SPOCK3: variants seen among roughly 807,000 people sequenced by gnomAD.
The protein encoded by SPOCK3 is testican-3.
A neutral mutation model predicts 56.6 loss-of-function variants in SPOCK3; 30 were observed. The ratio of observed to expected loss-of-function variants is 0.53; its 90% CI spans 0.40 to 0.72. SPOCK3 has a LOEUF of 0.72. Among genes scored for constraint, SPOCK3 ranks in the 30% least tolerant of loss-of-function variants. The pLI is 0.00. For synonymous variants in SPOCK3, 196 were observed against 183.3 expected (o/e 1.07, Z -0.56); for missense variants, 527 against 530.0 (o/e 0.99, Z 0.06).
At chr4:167,088,081 A>G (rs566603777) in intron 2 of SPOCK3, among the ~76,000 whole-genome samples, 1 of 152,298 alleles carries the variant, frequency 6.6e-6, no homozygotes, top group South Asian at 2.1e-4. Flanking sequence ...AAAAGTAAAG[A>G]TGGCTCTTTT....
At chr4:166,825,690 G>A (rs1745389288) in intron 6 of SPOCK3, among the ~76,000 whole-genome samples, 1 of 152,050 alleles carries the variant, frequency 6.6e-6, no homozygotes, top group Admixed American at 6.6e-5. Context: ...CATAAAAAAA[G>A]TGGTATATTC....
chr4:167,221,272 G>A lies in SPOCK3; in HGVS notation c.189+12713C>T, dbSNP rs566070993. On this transcript the variant is annotated intron_variant, in intron 2 of 10. Coordinates refer to ENST00000357545, the MANE Select transcript of SPOCK3 (RefSeq NM_001040159.2). ...AGTCCCAGCTACTTGAGAAGCGAAAGTGGGAGGATCACTTGAGCCCAGGAG... is the reference window on the plus strand; with the variant it reads ...AGTCCCAGCTACTTGAGAAGCGAAAATGGGAGGATCACTTGAGCCCAGGAG... Among the ~76,000 whole-genome samples, 9 of 152,176 alleles carry A rather than the reference G, an allele frequency of 5.9e-5. No individual in the cohort carries two copies. In the East Asian group the frequency reaches 1.7e-3, roughly 29 times the overall value.
intron 3 of SPOCK3, among the ~76,000 whole-genome samples, chr4:167,051,388 G>C (rs866954873): frequency 9.2e-5 from 14 of 152,246 alleles, no homozygotes; most frequent in Admixed American, 8.5e-4. Context: ...TGTTGTGTTA[G>C]ATTAACAAGG....
chr4:167,085,000 G>T (rs1000720447), intron 2 of SPOCK3, among the ~76,000 whole-genome samples: 1 of 151,976 alleles, frequency 6.6e-6, no homozygotes, highest in Non-Finnish European at 1.5e-5. Flanking sequence ...TGTCCAGAGG[G>T]ATCCAGGGTG....
At chr4:167,116,271 CATA>C (rs529363497) in intron 2 of SPOCK3, among the ~76,000 whole-genome samples, 1 of 151,240 alleles carries the variant, frequency 6.6e-6, no homozygotes, top group Non-Finnish European at 1.5e-5. Context: ...AACCTGGAAA[CATA>C]ATAAGTGTAG....
intron 2 of SPOCK3, among the ~76,000 whole-genome samples, chr4:167,219,602 T>C (rs1232909030): frequency 6.6e-6 from 1 of 152,176 alleles, no homozygotes; most frequent in African/African-American, 2.4e-5. Context: ...TTACTTATGC[T>C]AAGAATAAAG....
chr4:166,889,382 T>G (rs990816960), intron 5 of SPOCK3, 138 bp from the exon 6 acceptor site: 9 of 598,672 alleles, frequency 1.5e-5, no homozygotes, highest in Non-Finnish European at 2.7e-5. Flanking sequence ...TCTCCAATAC[T>G]AAAGTGCAAT....
At chr4:167,036,646 A>C (rs1490170231) in intron 3 of SPOCK3, among the ~76,000 whole-genome samples, 1 of 152,104 alleles carries the variant, frequency 6.6e-6, no homozygotes, top group Non-Finnish European at 1.5e-5. Flanking sequence ...TTTAAATTCT[A>C]TGTTTTTTTA....
intron 3 of SPOCK3, among the ~76,000 whole-genome samples, chr4:167,010,411 C>T (rs1349272002): frequency 1.3e-5 from 2 of 149,664 alleles, no homozygotes; most frequent in Non-Finnish European, 3.0e-5. Context: ...CCCAGCTACT[C>T]AGAAAGCTGA....
chr4:167,009,101 T>G (rs1314068590), intron 3 of SPOCK3, among the ~76,000 whole-genome samples: 2 of 152,160 alleles, frequency 1.3e-5, no homozygotes, highest in African/African-American at 2.4e-5. Context: ...CATGATAATC[T>G]ATTTATCCTT....
rs115078311 is a variant in SPOCK3, at chr4:166,944,264, G to A, written c.351-31521C>T. Among the ~76,000 whole-genome samples the A allele has an allele frequency of 7.9e-3, 1,200 of 151,988 alleles. 12 individuals are homozygous for A. The highest frequency in any genetic ancestry group is 0.027 in the African/African-American group (1,128 of 41,448). The stretch of plus-strand genomic sequence containing the variant: ...GGGAGGGGATTGTATAGATATATGA[G>A]TATCCGTTGCTGACATGATATTCTA... On this transcript the variant is annotated intron_variant, in intron 4 of 10. Transcript: ENST00000357545.
intron 4 of SPOCK3, among the ~76,000 whole-genome samples, chr4:166,924,915 T>C (rs918539482): frequency 6.6e-6 from 1 of 152,240 alleles, no homozygotes; most frequent in African/African-American, 2.4e-5. Flanking sequence ...GTTAGAAGTT[T>C]ATTTGTTTTA....
intron 4 of SPOCK3, among the ~76,000 whole-genome samples, chr4:166,976,132 A>C (rs1232531513): frequency 6.7e-6 from 1 of 148,192 alleles, no homozygotes. Flanking sequence ...CACACACACA[A>C]AACAGCCAAT....
chr4:166,832,833 T>C (rs185245172), intron 6 of SPOCK3, among the ~76,000 whole-genome samples: 64 of 152,310 alleles, frequency 4.2e-4, no homozygotes, highest in African/African-American at 7.9e-4. Context: ...TTCTCACTTA[T>C]AAGTGGGAGG....
At chr4:166,827,033 A>G (rs1745554259) in intron 6 of SPOCK3, among the ~76,000 whole-genome samples, 1 of 152,060 alleles carries the variant, frequency 6.6e-6, no homozygotes, top group African/African-American at 2.4e-5. Context: ...TTGTTTGTTT[A>G]TTAGTAATCT....
At chr4:166,980,700 C>G (rs977926495) in intron 4 of SPOCK3, among the ~76,000 whole-genome samples, 7 of 152,222 alleles carry the variant, frequency 4.6e-5, no homozygotes, top group African/African-American at 1.7e-4. Flanking sequence ...GGCACTGGAT[C>G]CATGCAAGCC....
chr4:166,773,434 C>T (rs2318489), intron 7 of SPOCK3, among the ~76,000 whole-genome samples: 50,241 of 151,626 alleles, frequency 0.33, 8,426 homozygotes, highest in Admixed American at 0.42. Flanking sequence ...GTAACTGTTT[C>T]TTTTAACTTA....
In SPOCK3 at chr4:166,796,704, C is replaced by T. The variant is rs116527005; in HGVS notation, c.590-4415G>A. Among the ~76,000 whole-genome samples the T allele has an allele frequency of 7.2e-3, 1,097 of 152,168 alleles. 13 individuals carry two copies. Among genetic ancestry groups the T allele is most frequent in the African/African-American group, 0.025 (1,052 of 41,504 alleles). On this transcript the variant is annotated intron_variant, in intron 6 of 10. Transcript: ENST00000357545. Reference sequence around the variant, plus strand: ...GTAAAGAGATTTTTCTAAGTCTGATCTATGAGGTGAAGAAATGCAACACAT... The same window carrying T: ...GTAAAGAGATTTTTCTAAGTCTGATTTATGAGGTGAAGAAATGCAACACAT...
chr4:166,782,678 G>GA (rs1486531215), intron 7 of SPOCK3, among the ~76,000 whole-genome samples: 2 of 151,882 alleles, frequency 1.3e-5, no homozygotes, highest in Non-Finnish European at 2.9e-5. Flanking sequence ...CATTTAAAAA[G>GA]AAAATGCAAG....
Sources: gnomAD v4.1 joint callset for allele counts (sites outside exome capture counted in the v4.1 genomes callset) on GRCh38, gnomAD v4.1.1 for gene constraint, MANE v1.5 for transcripts, NCBI Gene and HGNC (gene_info 2026-07-23, HGNC 2026-07-21) for gene names.